Variants in HSPA12A observed in about 807,000 individuals in gnomAD.
HSPA12A encodes the protein heat shock 70 kDa protein 12A.
A neutral mutation model predicts 69.2 loss-of-function variants in HSPA12A; 28 were observed. That is an observed-to-expected ratio of 0.40 (90% confidence interval 0.30 to 0.55). HSPA12A has a LOEUF of 0.55. Among genes scored for constraint, HSPA12A ranks in the 20% least tolerant of loss-of-function variants. The pLI, the probability that HSPA12A is intolerant of heterozygous loss-of-function variation, is 0.38. For synonymous variants in HSPA12A, 345 were observed against 370.5 expected (o/e 0.93, Z 0.79); for missense variants, 686 against 900.7 (o/e 0.76, Z 3.05).
intron 2 of HSPA12A, among the ~76,000 whole-genome samples, chr10:116,820,520 G>A (rs918098873): frequency 3.9e-5 from 6 of 152,046 alleles, no homozygotes; most frequent in African/African-American, 1.4e-4. Context: ...GACGTGGCCA[G>A]TCACCACCCT....
chr10:116,794,840 T>G (rs1471970566), intron 2 of HSPA12A, among the ~76,000 whole-genome samples: 2 of 152,194 alleles, frequency 1.3e-5, no homozygotes, highest in Non-Finnish European at 2.9e-5. Flanking sequence ...GATAATAGTT[T>G]TTTTAAGTTC....
chr10:116,774,855 GTCCTGCCGGC>G, intron 2 of HSPA12A, among the ~76,000 whole-genome samples: 1 of 152,292 alleles, frequency 6.6e-6, no homozygotes, highest in Admixed American at 6.5e-5. Context: ...GCAGGCCCCA[GTCCTGCCGGC>G]TCCTGCACCA....
intron 6 of HSPA12A, among the ~76,000 whole-genome samples, chr10:116,684,722 T>C (rs547852954): frequency 1.3e-5 from 2 of 152,328 alleles, no homozygotes; most frequent in African/African-American, 4.8e-5. Flanking sequence ...ATATCACATA[T>C]AGTAATAAAT....
chr10:116,741,009 G>C (rs1851487426), intron 1 of HSPA12A, among the ~76,000 whole-genome samples: 1 of 146,660 alleles, frequency 6.8e-6, no homozygotes, highest in Non-Finnish European at 1.5e-5. Flanking sequence ...GTTGCTGAGT[G>C]ATGTTCAGAC....
At chr10:116,839,602 C>G (rs1335869819) in intron 1 of HSPA12A, among the ~76,000 whole-genome samples, 1 of 110,568 alleles carries the variant, frequency 9.0e-6, no homozygotes, top group Admixed American at 1.0e-4. Context: ...AGATGCCTAC[C>G]GTAAAAAAAA....
intron 2 of HSPA12A, among the ~76,000 whole-genome samples, chr10:116,807,536 CA>C (rs1213239833): frequency 6.6e-6 from 1 of 152,138 alleles, no homozygotes; most frequent in Non-Finnish European, 1.5e-5. Context: ...GTTGATGTAG[CA>C]ATGCTTCTAT....
intron 2 of HSPA12A, among the ~76,000 whole-genome samples, chr10:116,820,240 GA>G (rs1447110879): frequency 3.9e-5 from 6 of 151,964 alleles, no homozygotes; most frequent in Admixed American, 2.0e-4. Context: ...GGAAAAATAA[GA>G]GACAAACATC....
chr10:116,737,244 A>G (rs1346659646), intron 1 of HSPA12A, among the ~76,000 whole-genome samples: 2 of 152,162 alleles, frequency 1.3e-5, no homozygotes, highest in African/African-American at 4.8e-5. Flanking sequence ...AATCAACCTA[A>G]CAATGATAAT....
At chr10:116,680,964 T>C (rs1312265423) in intron 9 of HSPA12A, among the ~76,000 whole-genome samples, 188 bp downstream of exon 9, 3 of 152,240 alleles carry the variant, frequency 2.0e-5, no homozygotes, top group East Asian at 3.8e-4. Flanking sequence ...TGGTGGTTTG[T>C]GTTTTAAAGA....
Position 116,674,457 on chromosome 10 carries a change from T to G in HSPA12A, c.*324A>C, listed in dbSNP as rs1849166174. ...TAAATTCTACATAACGGAGATCTGTTCAAAGCAGCGCAACCACTGCTGCAG... is the reference window on the plus strand; with the variant it reads ...TAAATTCTACATAACGGAGATCTGTGCAAAGCAGCGCAACCACTGCTGCAG... On this transcript the variant is annotated 3_prime_UTR_variant, in exon 12 of 12. Transcript: ENST00000369209. The G allele has an allele frequency of 5.7e-6, 2 of 348,926 alleles. No homozygotes were observed. 21.6% of individuals were successfully genotyped at this position (348,926 alleles called of 1,614,324 possible). A position where few individuals can be genotyped will look rare whatever the true frequency, so the allele number is the denominator to read the frequency against.
At chr10:116,795,356 A>T (rs964600875) in intron 2 of HSPA12A, among the ~76,000 whole-genome samples, 29 of 152,198 alleles carry the variant, frequency 1.9e-4, no homozygotes, top group African/African-American at 7.0e-4. Flanking sequence ...TTACATTTAT[A>T]GTAGTAAAAT....
chr10:116,767,477 A>G (rs1844105622), intron 2 of HSPA12A, among the ~76,000 whole-genome samples: 1 of 152,150 alleles, frequency 6.6e-6, no homozygotes, highest in Admixed American at 6.5e-5. Flanking sequence ...GGGCCTCGGG[A>G]GCCTCCCCAA....
chr10:116,738,672 C>T (rs1373406951), intron 1 of HSPA12A, among the ~76,000 whole-genome samples: 3 of 152,098 alleles, frequency 2.0e-5, no homozygotes, highest in Non-Finnish European at 4.4e-5. Context: ...CATTAAGTAC[C>T]GAAGGCTTTG....
At chr10:116,849,573 G>A (rs1309028304) in exon 1 of HSPA12A, 3 of 1,541,792 alleles carry the variant, frequency 1.9e-6, no homozygotes, top group African/African-American at 2.7e-5. Context: ...TACCATGGAG[G>A]AAGAAGGCGG....
At chr10:116,741,608 T>C (rs1851509653) in intron 1 of HSPA12A, among the ~76,000 whole-genome samples, 1 of 152,152 alleles carries the variant, frequency 6.6e-6, no homozygotes, top group Non-Finnish European at 1.5e-5. Context: ...GGAGAAGCCT[T>C]GATTTACAGC....
At chr10:116,742,353 C>T in intron 1 of HSPA12A, 77 bp downstream of exon 1, 3 of 1,349,000 alleles carry the variant, frequency 2.2e-6, no homozygotes, top group East Asian at 3.4e-5. Context: ...CGAGGGGGTG[C>T]GGAGCGTTGG....
intron 2 of HSPA12A, among the ~76,000 whole-genome samples, chr10:116,772,520 C>T (rs1554890601): frequency 6.6e-6 from 1 of 152,170 alleles, no homozygotes; most frequent in African/African-American, 2.4e-5. Context: ...GATGCTGAAA[C>T]TGAGACCCAG....
At chr10:116,743,567 G>A (rs1851580210), upstream of HSPA12A, among the ~76,000 whole-genome samples, 1 of 152,196 alleles carries the variant, frequency 6.6e-6, no homozygotes, top group African/African-American at 2.4e-5. Flanking sequence ...GGTGAGTCGC[G>A]GAGCTGGGAT....
At chr10:116,755,400 C>T (rs1165257229) in intron 2 of HSPA12A, among the ~76,000 whole-genome samples, 1 of 151,848 alleles carries the variant, frequency 6.6e-6, no homozygotes, top group Non-Finnish European at 1.5e-5. Flanking sequence ...TCACTTGAAG[C>T]CAGGAGTTCG....
Sources: allele counts gnomAD v4.1 joint callset (sites outside exome capture counted in the v4.1 genomes callset), GRCh38; gene constraint gnomAD v4.1.1; transcripts MANE v1.5; gene names NCBI Gene and HGNC (gene_info 2026-07-23, HGNC 2026-07-21).